NEGR1: variants seen among roughly 807,000 people sequenced by gnomAD.
The protein encoded by NEGR1 is neuronal growth regulator 1, also known as IgLON family member 4.
Under a neutral mutation model 40.9 loss-of-function variants are expected in NEGR1, and 10 were observed. The observed-to-expected ratio is 0.24, with a 90% confidence interval of 0.15 to 0.42. NEGR1 has a LOEUF of 0.42. NEGR1 is among the 10% of genes least tolerant of loss of function. The pLI is 1.00. For missense variants in NEGR1, 352 were observed against 438.9 expected, an observed-to-expected ratio of 0.80 and a Z score of 1.77; for synonymous variants, 185 against 166.8, an observed-to-expected ratio of 1.11 and a Z score of -0.84.
chr1:71,568,921 T>TC (rs1487394345), intron 6 of NEGR1, among the ~76,000 whole-genome samples: 2 of 147,700 alleles, frequency 1.4e-5, no homozygotes, highest in East Asian at 3.9e-4. Context: ...TTTTGTAATT[T>TC]TTTTTTTTTT....
chr1:71,433,966 T>G (rs562458656), intron 6 of NEGR1, among the ~76,000 whole-genome samples: 2 of 152,360 alleles, frequency 1.3e-5, no homozygotes, highest in South Asian at 2.1e-4. Context: ...GTTGAGGTTG[T>G]TAAGTCAGTA....
At chr1:72,137,647 G>C (rs1359941983) in intron 1 of NEGR1, among the ~76,000 whole-genome samples, 3 of 152,020 alleles carry the variant, frequency 2.0e-5, no homozygotes, top group African/African-American at 7.3e-5. Flanking sequence ...ACAAGTTGAT[G>C]AGTGCAGCAA....
At chr1:71,715,837 C>T (rs888492054) in intron 3 of NEGR1, among the ~76,000 whole-genome samples, 3 of 152,278 alleles carry the variant, frequency 2.0e-5, no homozygotes, top group South Asian at 2.1e-4. Context: ...ACCATACTTT[C>T]CCACATCTTC....
intron 1 of NEGR1, among the ~76,000 whole-genome samples, chr1:72,094,236 A>T (rs1482591448): frequency 1.3e-5 from 2 of 152,216 alleles, no homozygotes; most frequent in Non-Finnish European, 2.9e-5. Flanking sequence ...AAAGAAAATT[A>T]TCAGAGAACT....
chr1:71,805,205 A>G (rs974652295), intron 2 of NEGR1, among the ~76,000 whole-genome samples: 1 of 152,138 alleles, frequency 6.6e-6, no homozygotes, highest in African/African-American at 2.4e-5. Flanking sequence ...CCAAAACTTC[A>G]TTAGCAATTT....
intron 1 of NEGR1, among the ~76,000 whole-genome samples, chr1:71,958,240 G>T (rs1339696034): frequency 6.6e-6 from 1 of 152,080 alleles, no homozygotes; most frequent in African/African-American, 2.4e-5. Context: ...TCCCCCCTTA[G>T]GGACATTTAT....
chr1:71,952,633 T>A (rs1402358660), intron 1 of NEGR1, among the ~76,000 whole-genome samples: 3 of 151,944 alleles, frequency 2.0e-5, no homozygotes, highest in South Asian at 2.1e-4. Flanking sequence ...TACATTAACA[T>A]CAGATTTTCA....
chr1:71,906,477 T>TAA (rs368464744), intron 2 of NEGR1, among the ~76,000 whole-genome samples: 5 of 141,066 alleles, frequency 3.5e-5, no homozygotes, highest in East Asian at 2.0e-4. Context: ...GGCCAAGGAT[T>TAA]AAAAAAAAAA....
At chr1:71,886,524 T>C (rs1304639379) in intron 2 of NEGR1, among the ~76,000 whole-genome samples, 4 of 151,410 alleles carry the variant, frequency 2.6e-5, no homozygotes, top group Admixed American at 1.3e-4. Flanking sequence ...GCAGATAAAT[T>C]AGACTTTAGT....
At chr1:72,211,747 A>T (rs1653615334) in intron 1 of NEGR1, among the ~76,000 whole-genome samples, 1 of 151,440 alleles carries the variant, frequency 6.6e-6, no homozygotes, top group African/African-American at 2.4e-5. Context: ...CATAAATAGA[A>T]TCTGTTTGAT....
chr1:71,668,423 T>C (rs1172702453), intron 4 of NEGR1, among the ~76,000 whole-genome samples: 2 of 152,216 alleles, frequency 1.3e-5, no homozygotes, highest in Non-Finnish European at 2.9e-5. Flanking sequence ...AGCCAAATGC[T>C]TTTTAGTACA....
chr1:71,815,087 G>C (rs1215449554), intron 2 of NEGR1, among the ~76,000 whole-genome samples: 1 of 152,088 alleles, frequency 6.6e-6, no homozygotes, highest in Non-Finnish European at 1.5e-5. Context: ...CTGTATACCA[G>C]ATATTCCAGT....
intron 6 of NEGR1, among the ~76,000 whole-genome samples, chr1:71,558,351 C>G (rs74757299): frequency 0.025 from 3,812 of 151,514 alleles, 65 homozygotes; most frequent in Middle Eastern, 0.054. Context: ...ATACTGATAT[C>G]CTATTTCTCT....
intron 6 of NEGR1, among the ~76,000 whole-genome samples, chr1:71,544,854 C>T (rs1177898390): frequency 2.6e-5 from 4 of 151,594 alleles, no homozygotes; most frequent in African/African-American, 9.7e-5. Flanking sequence ...GAAATCTACC[C>T]TGGTTCTGGT....
At chr1:71,470,662 G>A (rs773456658) in intron 6 of NEGR1, among the ~76,000 whole-genome samples, 6 of 152,046 alleles carry the variant, frequency 3.9e-5, no homozygotes, top group Non-Finnish European at 8.8e-5. Flanking sequence ...CCAGGCCTTG[G>A]TATTTTTGCA....
intron 1 of NEGR1, among the ~76,000 whole-genome samples, chr1:72,204,205 T>C (rs1653313493): frequency 6.6e-6 from 1 of 152,068 alleles, no homozygotes; most frequent in Non-Finnish European, 1.5e-5. Context: ...AATGGGTGAC[T>C]ACATAATACA....
intron 6 of NEGR1, among the ~76,000 whole-genome samples, chr1:71,467,269 T>C (rs1445190438): frequency 1.3e-5 from 2 of 152,048 alleles, no homozygotes; most frequent in Non-Finnish European, 2.9e-5. Context: ...GTCTTGAAGA[T>C]GTGAGAGAAA....
intron 1 of NEGR1, among the ~76,000 whole-genome samples, chr1:72,267,933 C>A (rs1655703353): frequency 6.6e-6 from 1 of 150,818 alleles, no homozygotes; most frequent in Non-Finnish European, 1.5e-5. Flanking sequence ...AGAGGAAAAT[C>A]CATGTATAAA....
chr1:71,592,144 C>T lies in NEGR1; in HGVS notation c.940+673G>A, dbSNP rs377100409. Among the ~76,000 whole-genome samples, 6 of 152,048 alleles carry T rather than the reference C, an allele frequency of 3.9e-5. 1 individual carries two copies. In the South Asian group the frequency reaches 6.2e-4, roughly 16 times the overall value. On this transcript the variant is annotated intron_variant, in intron 6 of 6. Transcript: ENST00000357731. Reference sequence around the variant, plus strand: ...ATTTGTTGGTTACTCAGCTTCTAAACAGCAGTAAAATTAATTATAGGAGGA... The same window carrying T: ...ATTTGTTGGTTACTCAGCTTCTAAATAGCAGTAAAATTAATTATAGGAGGA...
Sources: gnomAD v4.1 joint callset for allele counts (sites outside exome capture counted in the v4.1 genomes callset) on GRCh38, gnomAD v4.1.1 for gene constraint, MANE v1.5 for transcripts, NCBI Gene and HGNC (gene_info 2026-07-23, HGNC 2026-07-21) for gene names.